The following AFF3 variants were observed in gnomAD, a reference collection of about 807,000 sequenced individuals.
The protein encoded by AFF3 is ALF transcription elongation factor 3, also known as AF4/FMR2 family member 3.
In AFF3, 32 loss-of-function variants were observed where a neutral mutation model predicts 129.7. The ratio of observed to expected loss-of-function variants is 0.25; its 90% CI spans 0.19 to 0.33. The LOEUF is 0.33. AFF3 is among the 10% of genes least tolerant of loss of function. The pLI, the probability that AFF3 is intolerant of heterozygous loss-of-function variation, is 1.00. For missense variants in AFF3, 1,373 were observed against 1,592.0 expected, an observed-to-expected ratio of 0.86 and a Z score of 2.34; for synonymous variants, 644 against 635.4, an observed-to-expected ratio of 1.01 and a Z score of -0.20.
chr2:100,052,287 T>C (rs952511580), intron 4 of AFF3, among the ~76,000 whole-genome samples: 1 of 152,204 alleles, frequency 6.6e-6, no homozygotes, highest in Non-Finnish European at 1.5e-5. Flanking sequence ...AAGATTTCTA[T>C]TTGTGTTTCT....
chr2:100,001,924 C>T (rs991638730), intron 7 of AFF3, among the ~76,000 whole-genome samples: 6 of 152,366 alleles, frequency 3.9e-5, no homozygotes, highest in Middle Eastern at 6.8e-3. Flanking sequence ...AGGCACTCCA[C>T]GTTCTAAGCG....
chr2:99,899,856 C>T (rs1694225242), intron 7 of AFF3, among the ~76,000 whole-genome samples: 1 of 152,162 alleles, frequency 6.6e-6, no homozygotes, highest in Non-Finnish European at 1.5e-5. Context: ...CTAGGGTCTC[C>T]AAGGTAGACA....
At chr2:99,704,598 T>TGCC (rs1484919049) in intron 11 of AFF3, among the ~76,000 whole-genome samples, 2 of 152,222 alleles carry the variant, frequency 1.3e-5, no homozygotes, top group African/African-American at 4.8e-5. Flanking sequence ...AGGATAGCAG[T>TGCC]GCCGTGAAAA....
rs1289779827 is a variant in AFF3, at chr2:100,105,554, C to T, written c.-115G>A. On this transcript the variant is annotated 5_prime_UTR_variant, in exon 3 of 25. Coordinates refer to ENST00000672756, the MANE Select transcript of AFF3 (RefSeq NM_001386135.1). ...GGGTGTCGACTTCAAACTTGCCGCC[C>T]GTCTCCGGTCTGGAAAGGCAGGTGA... is the stretch of plus-strand genomic sequence containing the variant. 6.8e-6 allele frequency: 9 copies of T among 1,332,274 alleles called. No homozygotes were observed. The highest frequency in any genetic ancestry group is 4.5e-5 in the Admixed American group (2 of 44,198). The allele number at this position is 1,332,274 out of a possible 1,614,324, so 82.5% of individuals were successfully genotyped here.
In AFF3 at chr2:99,693,844, A is replaced by G. The variant is rs1675913882; in HGVS notation, c.1092-21255T>C. Among the ~76,000 whole-genome samples, 5 of 152,266 alleles carry G rather than the reference A, an allele frequency of 3.3e-5. No homozygotes were observed. In the South Asian group the frequency reaches 1.0e-3, roughly 32 times the overall value. On this transcript the variant is annotated intron_variant, in intron 11 of 24. Coordinates refer to ENST00000672756, the MANE Select transcript of AFF3 (RefSeq NM_001386135.1). ...CACTTCTTTTATTTCCCACTGCATC[A>G]TTATTTCCAATGTTAAGTTATCCCA...
At chr2:100,013,968 C>T (rs991347536) in intron 4 of AFF3, among the ~76,000 whole-genome samples, 6 of 152,116 alleles carry the variant, frequency 3.9e-5, no homozygotes, top group Admixed American at 2.6e-4. Flanking sequence ...CCCTAGGCTG[C>T]CCTACTGGTG....
chr2:100,087,248 T>G (rs2576673), intron 4 of AFF3, among the ~76,000 whole-genome samples: 1 of 152,208 alleles, frequency 6.6e-6, no homozygotes, highest in Non-Finnish European at 1.5e-5. Flanking sequence ...TTGAATTTTT[T>G]ACCCCTGTGC....
intron 7 of AFF3, among the ~76,000 whole-genome samples, chr2:99,971,878 G>GA (rs943940569): frequency 4.6e-5 from 7 of 151,752 alleles, no homozygotes; most frequent in African/African-American, 1.5e-4. Flanking sequence ...CTTTATGGCA[G>GA]AAAAAAAAGA....
chr2:99,687,317 G>A (rs1675157948), intron 11 of AFF3, among the ~76,000 whole-genome samples: 1 of 152,130 alleles, frequency 6.6e-6, no homozygotes, highest in African/African-American at 2.4e-5. Context: ...TATTTGATTT[G>A]GGTAGTGTCA....
At chr2:100,029,351 A>C (rs1049515702) in intron 4 of AFF3, among the ~76,000 whole-genome samples, 13 of 152,216 alleles carry the variant, frequency 8.5e-5, no homozygotes, top group African/African-American at 3.1e-4. Context: ...AAAGGCAGCA[A>C]GAGGCCATCT....
At chr2:99,594,988 G>C (rs1679143043) in intron 14 of AFF3, among the ~76,000 whole-genome samples, 1 of 152,248 alleles carries the variant, frequency 6.6e-6, no homozygotes, top group Non-Finnish European at 1.5e-5. Context: ...AAGCAGGTTT[G>C]CTAACTTAGA....
intron 4 of AFF3, among the ~76,000 whole-genome samples, chr2:100,037,433 T>A (rs894949091): frequency 1.5e-5 from 2 of 130,710 alleles, no homozygotes; most frequent in Non-Finnish European, 1.6e-5. Context: ...TATAAATATA[T>A]ATTTATATTT....
At chr2:99,565,371 T>G (rs1461371370) in intron 20 of AFF3, 116 bp downstream of exon 20, 2 of 1,435,276 alleles carry the variant, frequency 1.4e-6, no homozygotes, top group Non-Finnish European at 1.9e-6. Context: ...TTTGGGGGGA[T>G]GAACACTGGT....
chr2:99,808,831 C>A (rs1197165693), intron 8 of AFF3, among the ~76,000 whole-genome samples: 2 of 152,236 alleles, frequency 1.3e-5, no homozygotes, highest in Non-Finnish European at 2.9e-5. Context: ...AACTAGAACT[C>A]CACAGAGACT....
At chr2:100,136,836 T>C (rs1000212110) in intron 1 of AFF3, among the ~76,000 whole-genome samples, 9 of 152,298 alleles carry the variant, frequency 5.9e-5, no homozygotes, top group Admixed American at 5.2e-4. Context: ...AGAGTTGATA[T>C]TGAGTTTTCT....
At chr2:99,774,199 T>C (rs1683712718) in intron 8 of AFF3, among the ~76,000 whole-genome samples, 1 of 152,186 alleles carries the variant, frequency 6.6e-6, no homozygotes, top group Non-Finnish European at 1.5e-5. Context: ...CCCATTAAAC[T>C]ACCATTGACA....
intron 7 of AFF3, among the ~76,000 whole-genome samples, chr2:99,997,484 C>T (rs77761907): frequency 6.6e-6 from 1 of 151,880 alleles, no homozygotes; most frequent in Non-Finnish European, 1.5e-5. Flanking sequence ...CACCCCCCCC[C>T]CAGATTAGCA....
At chr2:99,551,655 A>T in intron 24 of AFF3, 60 bp from the exon 25 acceptor site, 1 of 1,601,146 alleles carries the variant, frequency 6.2e-7, no homozygotes, top group Non-Finnish European at 8.5e-7. Flanking sequence ...TATCCTGAGC[A>T]ACTGATGTAA....
At chr2:99,840,433 A>G (rs1689231562) in intron 7 of AFF3, among the ~76,000 whole-genome samples, 1 of 152,212 alleles carries the variant, frequency 6.6e-6, no homozygotes, top group Non-Finnish European at 1.5e-5. Flanking sequence ...TTCTAGTCTC[A>G]TCATTAAAAG....
Sources: gnomAD v4.1 joint callset for allele counts (sites outside exome capture counted in the v4.1 genomes callset) on GRCh38, gnomAD v4.1.1 for gene constraint, MANE v1.5 for transcripts, NCBI Gene and HGNC (gene_info 2026-07-23, HGNC 2026-07-21) for gene names.